The following NRG1 variants were observed in gnomAD, a reference collection of about 807,000 sequenced individuals.
NRG1 encodes neuregulin 1, also known as pro-neuregulin-1, membrane-bound isoform.
In NRG1, 18 loss-of-function variants were observed where a neutral mutation model predicts 63.8. The ratio of observed to expected loss-of-function variants is 0.28; its 90% confidence interval spans 0.19 to 0.42. NRG1 has a LOEUF of 0.42. Among genes scored for constraint, NRG1 ranks in the 10% least tolerant of loss-of-function variants. NRG1 has a pLI of 1.00. For missense variants in NRG1, 762 were observed against 814.7 expected (o/e 0.94, Z 0.79); for synonymous variants, 302 against 301.3 (o/e 1.00, Z -0.02).
At chr8:32,235,689 C>A (rs1280348855) in intron 1 of NRG1, among the ~76,000 whole-genome samples, 1 of 149,194 alleles carries the variant, frequency 6.7e-6, no homozygotes, top group Non-Finnish European at 1.5e-5. Flanking sequence ...CAGTCTTAGG[C>A]AAACTGGAAT....
chr8:31,711,941 C>T (rs1811801656), intron 1 of NRG1, among the ~76,000 whole-genome samples: 1 of 152,078 alleles, frequency 6.6e-6, no homozygotes, highest in Non-Finnish European at 1.5e-5. Context: ...CCCAAAGGTC[C>T]CATCTCCTAA....
At chr8:32,002,985 T>G (rs749958901) in intron 1 of NRG1, among the ~76,000 whole-genome samples, 8 of 152,052 alleles carry the variant, frequency 5.3e-5, no homozygotes, top group Non-Finnish European at 1.2e-4. Context: ...TATTGTATGC[T>G]TGTAGCTGAA....
At chr8:31,936,805 A>C (rs1440039350) in intron 1 of NRG1, among the ~76,000 whole-genome samples, 1 of 152,196 alleles carries the variant, frequency 6.6e-6, no homozygotes, top group African/African-American at 2.4e-5. Context: ...AAGCACATAC[A>C]ACCAAAACAA....
At chr8:32,278,601 T>C (rs1257525963) in intron 1 of NRG1, among the ~76,000 whole-genome samples, 1 of 150,726 alleles carries the variant, frequency 6.6e-6, no homozygotes, top group African/African-American at 2.5e-5. Flanking sequence ...CTCTGCCCAT[T>C]AGATGAGATC....
At chr8:31,840,198 G>A (rs548630061) in intron 1 of NRG1, among the ~76,000 whole-genome samples, 4 of 152,112 alleles carry the variant, frequency 2.6e-5, no homozygotes, top group African/African-American at 9.6e-5. Flanking sequence ...AATTTGTGAC[G>A]GTCCTGTTGC....
chr8:32,424,067 C>T (rs929433056), intron 1 of NRG1, among the ~76,000 whole-genome samples: 6 of 152,276 alleles, frequency 3.9e-5, no homozygotes, highest in African/African-American at 4.8e-5. Context: ...AGCAGCTATC[C>T]GGGTACATTC....
At chr8:31,748,248 G>A (rs1213114287) in intron 1 of NRG1, among the ~76,000 whole-genome samples, 1 of 151,810 alleles carries the variant, frequency 6.6e-6, no homozygotes, top group Non-Finnish European at 1.5e-5. Context: ...CTTTTATAGT[G>A]CTTAGTATAT....
At chr8:32,536,048 C>T (rs982737312) in intron 1 of NRG1, among the ~76,000 whole-genome samples, 8 of 152,180 alleles carry the variant, frequency 5.3e-5, no homozygotes, top group Non-Finnish European at 1.2e-4. Flanking sequence ...GTACAATTGC[C>T]ATGTAACACA....
intron 2 of NRG1, among the ~76,000 whole-genome samples, chr8:32,597,565 T>G (rs186986270): frequency 2.0e-4 from 31 of 151,818 alleles, no homozygotes; most frequent in African/African-American, 7.5e-4. Context: ...ATATTACTAA[T>G]TTTTTTTACA....
intron 1 of NRG1, among the ~76,000 whole-genome samples, chr8:31,925,692 C>A (rs1310256840): frequency 1.9e-5 from 2 of 103,082 alleles, no homozygotes; most frequent in African/African-American, 2.9e-5. Flanking sequence ...TTTTTCTGAC[C>A]TATTTTCTTA....
chr8:32,341,520 T>C (rs1804073865), intron 1 of NRG1, among the ~76,000 whole-genome samples: 1 of 152,216 alleles, frequency 6.6e-6, no homozygotes. Context: ...TTGAGGTTCC[T>C]GCTGTCCTGT....
At chr8:32,746,789 C>G (rs897295733) in intron 7 of NRG1, among the ~76,000 whole-genome samples, 2 of 151,456 alleles carry the variant, frequency 1.3e-5, no homozygotes, top group African/African-American at 2.4e-5. Context: ...CTTAATGAGT[C>G]CAGGCCAACA....
chr8:32,255,290 T>C (rs1849567996), intron 1 of NRG1, among the ~76,000 whole-genome samples: 1 of 152,232 alleles, frequency 6.6e-6, no homozygotes, highest in South Asian at 2.1e-4. Flanking sequence ...ATAGTGTCAA[T>C]GGTCCTTACA....
intron 1 of NRG1, among the ~76,000 whole-genome samples, chr8:32,437,260 C>T (rs1818911493): frequency 6.6e-6 from 1 of 152,026 alleles, no homozygotes; most frequent in African/African-American, 2.4e-5. Flanking sequence ...CCCCCAATGC[C>T]TCCTCTGAAC....
At chr8:32,188,409 T>C (rs951439412) in intron 1 of NRG1, among the ~76,000 whole-genome samples, 1 of 152,164 alleles carries the variant, frequency 6.6e-6, no homozygotes, top group African/African-American at 2.4e-5. Context: ...GCTGGTCTAG[T>C]AGGCAAATAA....
chr8:32,278,992 T>A (rs1412230258), intron 1 of NRG1, among the ~76,000 whole-genome samples: 1 of 152,216 alleles, frequency 6.6e-6, no homozygotes, highest in Non-Finnish European at 1.5e-5. Context: ...TAACCAGGTC[T>A]GATGACTTTC....
chr8:32,584,591 T>G (rs1408153141), intron 1 of NRG1, among the ~76,000 whole-genome samples: 9 of 152,152 alleles, frequency 5.9e-5, no homozygotes, highest in Non-Finnish European at 1.2e-4. Context: ...CTTTAATAAG[T>G]CATCTGTGGA....
intron 1 of NRG1, among the ~76,000 whole-genome samples, chr8:31,696,171 A>T (rs2131159758): frequency 6.6e-6 from 1 of 152,278 alleles, no homozygotes; most frequent in East Asian, 1.9e-4. Context: ...TGGTTCAAGC[A>T]TTCTCCTCCC....
intron 1 of NRG1, among the ~76,000 whole-genome samples, chr8:32,358,142 A>T (rs1391727755): frequency 6.6e-6 from 1 of 152,090 alleles, no homozygotes; most frequent in Non-Finnish European, 1.5e-5. Flanking sequence ...TAGAATTCTG[A>T]TGCAAAAGCT....
Sources: allele counts gnomAD v4.1 joint callset (sites outside exome capture counted in the v4.1 genomes callset), GRCh38; gene constraint gnomAD v4.1.1; transcripts MANE v1.5; gene names NCBI Gene and HGNC (gene_info 2026-07-23, HGNC 2026-07-21).